LINGO2: variants seen among roughly 807,000 people sequenced by gnomAD.
The protein encoded by LINGO2 is leucine rich repeat and Ig domain containing 2.
Under a neutral mutation model 30.6 loss-of-function variants are expected in LINGO2, and 14 were observed. The observed-to-expected ratio is 0.46, with a 90% CI of 0.30 to 0.72. The LOEUF (loss-of-function observed/expected upper bound fraction) is 0.72, where lower values mean the gene tolerates loss of function less well. Ranked by LOEUF, LINGO2 falls within the 30% of genes least tolerant of loss-of-function variation. The pLI is 0.07. For synonymous variants in LINGO2, 317 were observed against 288.5 expected (o/e 1.10, Z -1.00); for missense variants, 729 against 751.7 (o/e 0.97, Z 0.35).
intron 1 of LINGO2, among the ~76,000 whole-genome samples, chr9:28,535,464 C>A (rs749994907): frequency 2.0e-5 from 3 of 151,976 alleles, no homozygotes; most frequent in Non-Finnish European, 4.4e-5. Flanking sequence ...CATAGCCATT[C>A]TGGGGATGCT....
chr9:28,993,064 C>A, the LINGO2 span, among the ~76,000 whole-genome samples: 4 of 151,566 alleles, frequency 2.6e-5, no homozygotes, highest in African/African-American at 7.3e-5. Flanking sequence ...CAAAAAAATT[C>A]CTGAATCCAG....
the LINGO2 span, among the ~76,000 whole-genome samples, chr9:29,133,824 T>C: frequency 6.6e-6 from 1 of 152,136 alleles, no homozygotes; most frequent in Non-Finnish European, 1.5e-5. Flanking sequence ...CAGAATTTTT[T>C]AGAGGTCACG....
At chr9:28,246,250 C>T (rs553768947) in intron 4 of LINGO2, among the ~76,000 whole-genome samples, 11 of 152,052 alleles carry the variant, frequency 7.2e-5, no homozygotes, top group Admixed American at 3.3e-4. Flanking sequence ...ATGGTGAAAC[C>T]CCATCTCTAC....
intron 4 of LINGO2, among the ~76,000 whole-genome samples, chr9:28,060,675 T>G (rs2133120952): frequency 6.6e-6 from 1 of 152,264 alleles, no homozygotes; most frequent in South Asian, 2.1e-4. Flanking sequence ...GATGGTAAAC[T>G]TTCTTAAATG....
intron 2 of LINGO2, among the ~76,000 whole-genome samples, chr9:28,373,567 G>A (rs1820987684): frequency 6.6e-6 from 1 of 152,030 alleles, no homozygotes; most frequent in South Asian, 2.1e-4. Flanking sequence ...AAAGAGGTAA[G>A]AGAAAAAAAC....
the LINGO2 span, among the ~76,000 whole-genome samples, chr9:29,050,537 A>G: frequency 1.9e-4 from 29 of 152,232 alleles, no homozygotes; most frequent in Non-Finnish European, 3.8e-4. Context: ...ATAGATGGTG[A>G]GTGGGAATAG....
At chr9:28,671,675 A>G (rs1402787192), upstream of LINGO2, among the ~76,000 whole-genome samples, 2 of 152,012 alleles carry the variant, frequency 1.3e-5, no homozygotes, top group African/African-American at 2.4e-5. Flanking sequence ...AAAATTACGT[A>G]TCACGTACTA....
chr9:28,604,436 G>A (rs984356932), intron 1 of LINGO2, among the ~76,000 whole-genome samples: 2 of 151,936 alleles, frequency 1.3e-5, no homozygotes, highest in Non-Finnish European at 2.9e-5. Flanking sequence ...CTGAAGCAGG[G>A]CAAAATGTCA....
chr9:28,973,948 G>A, the LINGO2 span, among the ~76,000 whole-genome samples: 1 of 152,182 alleles, frequency 6.6e-6, no homozygotes, highest in Admixed American at 6.5e-5. Flanking sequence ...ATAATTACCT[G>A]AGGGTATAAA....
chr9:28,914,137 AT>A, the LINGO2 span, among the ~76,000 whole-genome samples: 1 of 152,198 alleles, frequency 6.6e-6, no homozygotes, highest in Non-Finnish European at 1.5e-5. Context: ...GCAGAAACCC[AT>A]TAGCTACAAT....
At chr9:28,087,157 C>T (rs973798179) in intron 4 of LINGO2, among the ~76,000 whole-genome samples, 1 of 152,034 alleles carries the variant, frequency 6.6e-6, no homozygotes, top group African/African-American at 2.4e-5. Flanking sequence ...CCAGTTAGCT[C>T]CTAGTCCACT....
chr9:28,669,488 T>C (rs1183854286), intron 1 of LINGO2, among the ~76,000 whole-genome samples: 2 of 151,994 alleles, frequency 1.3e-5, no homozygotes, highest in African/African-American at 4.8e-5. Flanking sequence ...CTCTGTAATT[T>C]CAGATAGTAA....
the LINGO2 span, among the ~76,000 whole-genome samples, chr9:28,972,399 T>A: frequency 1.3e-5 from 2 of 152,088 alleles, no homozygotes; most frequent in African/African-American, 4.8e-5. Context: ...CTCAAAAAAA[T>A]TCAGGATAAC....
At chr9:28,301,485 G>T (rs1489074494) in intron 3 of LINGO2, among the ~76,000 whole-genome samples, 1 of 152,044 alleles carries the variant, frequency 6.6e-6, no homozygotes, top group East Asian at 1.9e-4. Context: ...TGGGTTCTTG[G>T]GCAATGCCCC....
chr9:28,140,382 G>T (rs1019925687), intron 4 of LINGO2, among the ~76,000 whole-genome samples: 1 of 152,190 alleles, frequency 6.6e-6, no homozygotes, highest in Non-Finnish European at 1.5e-5. Context: ...TAAATCATTT[G>T]TTACTATCAC....
At chr9:29,080,245 G>C in the LINGO2 span, among the ~76,000 whole-genome samples, 1 of 152,120 alleles carries the variant, frequency 6.6e-6, no homozygotes, top group Non-Finnish European at 1.5e-5. Flanking sequence ...GGTGTTTACA[G>C]TATTCTCTGA....
At chr9:28,496,047 T>C (rs960855855) in intron 1 of LINGO2, among the ~76,000 whole-genome samples, 11 of 151,602 alleles carry the variant, frequency 7.3e-5, no homozygotes, top group Admixed American at 6.6e-4. Context: ...ATTTCCATTC[T>C]TTTACATTTG....
Position 28,369,200 on chromosome 9 carries a change from T to C in LINGO2, c.-246+3636A>G, listed in dbSNP as rs574567981. Reference sequence around the variant, plus strand: ...TCATTATTATTACTTTTCTGATTGCTTCAGTTTCAACCTTCTGTCATGCTA... The same window carrying C: ...TCATTATTATTACTTTTCTGATTGCCTCAGTTTCAACCTTCTGTCATGCTA... On this transcript the variant is annotated intron_variant, in intron 3 of 5. Transcript: ENST00000379992. 2.6e-5 allele frequency among the ~76,000 whole-genome samples: 4 copies of C among 152,286 alleles called. No homozygotes were observed. In the East Asian group the frequency reaches 7.7e-4, roughly 29 times the overall value.
At chr9:28,355,090 T>C (rs1190056788) in intron 3 of LINGO2, among the ~76,000 whole-genome samples, 1 of 152,198 alleles carries the variant, frequency 6.6e-6, no homozygotes, top group African/African-American at 2.4e-5. Context: ...AAATTCATTC[T>C]AACTTTAGTC....
Sources: gnomAD v4.1 joint callset for allele counts (sites outside exome capture counted in the v4.1 genomes callset) on GRCh38, gnomAD v4.1.1 for gene constraint, MANE v1.5 for transcripts, NCBI Gene and HGNC (gene_info 2026-07-23, HGNC 2026-07-21) for gene names.